CRB1: variants seen among roughly 807,000 people sequenced by gnomAD.
CRB1 encodes the protein crumbs cell polarity complex component 1, also known as protein crumbs homolog 1.
CRB1 carries 83 observed loss-of-function variants against 120.0 expected under a neutral mutation model. The ratio of observed to expected loss-of-function variants is 0.69; its 90% CI spans 0.58 to 0.83. CRB1 has a LOEUF of 0.83. CRB1 is among the 40% of genes least tolerant of loss of function. The probability of loss-of-function intolerance (pLI) is 0.00; values close to 1 mark genes in which losing one functional copy is unlikely to be tolerated. For synonymous variants in CRB1, 625 were observed against 612.5 expected, an observed-to-expected ratio of 1.02 and a Z score of -0.30; for missense variants, 1,699 against 1,687.6, an observed-to-expected ratio of 1.01 and a Z score of -0.12.
chr1:197,205,540 T>C, the CRB1 span, among the ~76,000 whole-genome samples: 1 of 152,332 alleles, frequency 6.6e-6, no homozygotes, highest in East Asian at 1.9e-4. Flanking sequence ...GTTTATGTGG[T>C]GTATCACATT....
chr1:197,285,151 A>T (rs1655750382), intron 1 of CRB1, among the ~76,000 whole-genome samples: 1 of 151,946 alleles, frequency 6.6e-6, no homozygotes, highest in African/African-American at 2.4e-5. Context: ...GAAGTTACCT[A>T]GTTGGTAACT....
chr1:197,207,809 T>G, the CRB1 span, among the ~76,000 whole-genome samples: 1 of 152,144 alleles, frequency 6.6e-6, no homozygotes, highest in African/African-American at 2.4e-5. Context: ...CCCTTAAATG[T>G]GTTTTCCAAA....
intron 1 of CRB1, among the ~76,000 whole-genome samples, chr1:197,270,708 T>TAG (rs1360237900): frequency 1.3e-5 from 2 of 152,142 alleles, no homozygotes; most frequent in Non-Finnish European, 2.9e-5. Flanking sequence ...CTGAGGCACA[T>TAG]AGAGGTTTAT....
intron 2 of CRB1, among the ~76,000 whole-genome samples, chr1:197,332,709 G>T (rs550965519): frequency 8.5e-5 from 13 of 152,296 alleles, no homozygotes; most frequent in African/African-American, 3.1e-4. Flanking sequence ...CTTCCAGAGG[G>T]TCAAATTTAA....
chr1:197,434,302 G>A (rs1054762044), intron 8 of CRB1, among the ~76,000 whole-genome samples: 3 of 152,072 alleles, frequency 2.0e-5, no homozygotes, highest in Non-Finnish European at 4.4e-5. Context: ...TTATTTATGT[G>A]TAAAATGAAT....
chr1:197,423,095 G>A (rs1436587278), intron 6 of CRB1, among the ~76,000 whole-genome samples: 3 of 152,096 alleles, frequency 2.0e-5, no homozygotes, highest in Admixed American at 1.3e-4. Flanking sequence ...CTGAGGCAAT[G>A]TTCACTTTTT....
intron 9 of CRB1, among the ~76,000 whole-genome samples, chr1:197,436,358 A>G (rs2125502534): frequency 6.6e-6 from 1 of 152,170 alleles, no homozygotes; most frequent in African/African-American, 2.4e-5. Context: ...ATTAGGATGA[A>G]GAGGAAGAGA....
At position 197,335,900 on chromosome 1, in the gene CRB1, A is replaced by G. The variant is rs1239029394; in HGVS notation, c.652+6897A>G. ...TCATGGATCATGCAAACAAAATGAA[A>G]GCATGCCTTTCTCTCTCTGCCCTCT... On this transcript the variant is annotated intron_variant, in intron 2 of 11. Transcript: ENST00000367400. Among the ~76,000 whole-genome samples, 3 of 143,574 alleles carry G rather than the reference A, an allele frequency of 2.1e-5. No individual in the cohort carries two copies. In the East Asian group the frequency reaches 7.8e-4, roughly 37 times the overall value. 94.2% of individuals were successfully genotyped at this position (143,574 alleles called of 152,430 possible). A position where few individuals can be genotyped will look rare whatever the true frequency, so the allele number is the denominator to read the frequency against.
chr1:197,332,491 A>G (rs1409809131), intron 2 of CRB1, among the ~76,000 whole-genome samples: 1 of 152,204 alleles, frequency 6.6e-6, no homozygotes, highest in Non-Finnish European at 1.5e-5. Context: ...AATTTAAACA[A>G]GAGACTCATA....
chr1:197,285,385 A>G (rs1655767523), intron 1 of CRB1, among the ~76,000 whole-genome samples: 1 of 151,886 alleles, frequency 6.6e-6, no homozygotes, highest in South Asian at 2.1e-4. Context: ...CCCTTTAGAG[A>G]AAAATAGCCA....
the CRB1 span, among the ~76,000 whole-genome samples, chr1:197,208,798 A>G: frequency 6.6e-6 from 1 of 152,154 alleles, no homozygotes; most frequent in South Asian, 2.1e-4. Context: ...CTCCCAAAGA[A>G]CTATGTGCAT....
intron 1 of CRB1, among the ~76,000 whole-genome samples, chr1:197,301,349 A>T (rs1656850674): frequency 6.6e-6 from 1 of 152,052 alleles, no homozygotes; most frequent in Admixed American, 6.6e-5. Context: ...TATTTTTAGT[A>T]GAGACGGGGT....
At chr1:197,363,739 T>C (rs1205222394) in intron 5 of CRB1, 1 of 542,398 alleles carries the variant, frequency 1.8e-6, no homozygotes, top group Non-Finnish European at 3.5e-6. Flanking sequence ...CTGTGGTGCC[T>C]CCTTGCCATC....
At chr1:197,391,373 G>A (rs1662497588) in intron 5 of CRB1, among the ~76,000 whole-genome samples, 1 of 152,158 alleles carries the variant, frequency 6.6e-6, no homozygotes, top group Non-Finnish European at 1.5e-5. Context: ...TAGCTAGACA[G>A]AGGCTCATAA....
At chr1:197,205,174 G>C in the CRB1 span, among the ~76,000 whole-genome samples, 1 of 152,020 alleles carries the variant, frequency 6.6e-6, no homozygotes, top group Non-Finnish European at 1.5e-5. Context: ...TAATGTGTAG[G>C]GTTTTCTAGG....
At position 197,403,669 on chromosome 1, in the gene CRB1, T is replaced by G. The variant is rs543351830; in HGVS notation, c.1172-17331T>G. ...TTTCTCCTTATATGAGCCAATAAAT[T>G]TTAATATTTAGGGAAGCTTCATTTA... is the stretch of plus-strand genomic sequence containing the variant. On this transcript the variant is annotated intron_variant, in intron 5 of 11. Transcript: ENST00000367400. Among the ~76,000 whole-genome samples, 7 of 152,212 alleles carry G rather than the reference T, an allele frequency of 4.6e-5. No homozygotes were observed. In the South Asian group the frequency reaches 1.5e-3, roughly 32 times the overall value.
the CRB1 span, among the ~76,000 whole-genome samples, chr1:197,250,839 G>A: frequency 6.6e-6 from 1 of 151,952 alleles, no homozygotes; most frequent in Admixed American, 6.6e-5. Context: ...CTTGCCGTGT[G>A]GTTTTTGTAT....
intron 5 of CRB1, among the ~76,000 whole-genome samples, chr1:197,416,900 G>T (rs1664034332): frequency 6.6e-6 from 1 of 152,098 alleles, no homozygotes; most frequent in Non-Finnish European, 1.5e-5. Context: ...AGTAGAGACA[G>T]GGTTTCACCA....
intron 6 of CRB1, among the ~76,000 whole-genome samples, chr1:197,425,090 A>T (rs147385790): frequency 2.6e-5 from 4 of 152,320 alleles, no homozygotes; most frequent in African/African-American, 9.6e-5. Context: ...GATGACCAGC[A>T]GGCACCCCGC....
Sources: gnomAD v4.1 joint callset for allele counts (sites outside exome capture counted in the v4.1 genomes callset) on GRCh38, gnomAD v4.1.1 for gene constraint, MANE v1.5 for transcripts, NCBI Gene and HGNC (gene_info 2026-07-23, HGNC 2026-07-21) for gene names.